Variants in PDE6A observed in about 807,000 individuals in gnomAD.
PDE6A encodes phosphodiesterase 6A, also known as rod cGMP-specific 3',5'-cyclic phosphodiesterase subunit alpha.
Under a neutral mutation model 106.3 loss-of-function variants are expected in PDE6A, and 84 were observed. The ratio of observed to expected loss-of-function variants is 0.79; its 90% CI spans 0.66 to 0.95. PDE6A has a LOEUF of 0.95. Ranked by LOEUF, PDE6A falls within the 40% of genes least tolerant of loss-of-function variation. The pLI is 0.00. For missense variants in PDE6A, 1,052 were observed against 1,084.9 expected (o/e 0.97, Z 0.43); for synonymous variants, 394 against 386.6 (o/e 1.02, Z -0.23).
chr5:149,940,441 A>G (rs1440073197), intron 1 of PDE6A, among the ~76,000 whole-genome samples: 3 of 151,982 alleles, frequency 2.0e-5, no homozygotes, highest in African/African-American at 7.3e-5. Flanking sequence ...TATGCTTTCC[A>G]CAGAGGCACA....
chr5:149,899,705 G>A (rs1034719395), intron 8 of PDE6A, among the ~76,000 whole-genome samples, 181 bp from the exon 9 acceptor site: 6 of 152,112 alleles, frequency 3.9e-5, no homozygotes, highest in African/African-American at 9.7e-5. Context: ...CCATCTGGTC[G>A]GAATTCCTTA....
chr5:149,879,254 T>G (rs951664967), intron 17 of PDE6A, among the ~76,000 whole-genome samples: 4 of 152,026 alleles, frequency 2.6e-5, no homozygotes, highest in Non-Finnish European at 5.9e-5. Context: ...GTATTTTTAG[T>G]AGAGATGGCG....
chr5:149,866,412 C>T (rs182136673), intron 19 of PDE6A, 159 bp from the exon 20 acceptor site: 61 of 615,406 alleles, frequency 9.9e-5, no homozygotes, highest in African/African-American at 9.2e-4. Context: ...TGTTAAAGAA[C>T]ACCATGAGGG....
intron 15 of PDE6A, 92 bp downstream of exon 15, chr5:149,884,688 G>A: frequency 6.9e-7 from 1 of 1,456,178 alleles, no homozygotes; most frequent in Non-Finnish European, 9.7e-7. Flanking sequence ...AGGCCAATGG[G>A]AAGAATGCTC....
chr5:149,908,699 T>G (rs1317603510), intron 6 of PDE6A, among the ~76,000 whole-genome samples: 1 of 150,296 alleles, frequency 6.7e-6, no homozygotes, highest in Non-Finnish European at 1.5e-5. Flanking sequence ...CCTTAAATAC[T>G]ACTTTTACTC....
intron 6 of PDE6A, among the ~76,000 whole-genome samples, chr5:149,913,678 C>T (rs1753459811): frequency 6.6e-6 from 1 of 152,068 alleles, no homozygotes; most frequent in Non-Finnish European, 1.5e-5. Flanking sequence ...GTGTGGCTCT[C>T]CCACGAACCG....
At chr5:149,902,072 T>A (rs1373135529) in intron 8 of PDE6A, among the ~76,000 whole-genome samples, 1 of 152,256 alleles carries the variant, frequency 6.6e-6, no homozygotes. Flanking sequence ...TAATAAAAGA[T>A]GACATAAGGA....
At chr5:149,890,282 T>C (rs191109732) in intron 13 of PDE6A, among the ~76,000 whole-genome samples, 199 of 152,236 alleles carry the variant, frequency 1.3e-3, no homozygotes, top group African/African-American at 4.6e-3. Flanking sequence ...AAATTAAGTA[T>C]TTTTCTTGAC....
At chr5:149,917,799 T>A (rs1753597627) in intron 5 of PDE6A, among the ~76,000 whole-genome samples, 1 of 152,190 alleles carries the variant, frequency 6.6e-6, no homozygotes, top group African/African-American at 2.4e-5. Flanking sequence ...AAAATTGGAA[T>A]GGTGGTATGT....
chr5:149,922,302 T>TATTATA (rs1554091366), intron 4 of PDE6A, among the ~76,000 whole-genome samples: 1 of 150,768 alleles, frequency 6.6e-6, no homozygotes, highest in African/African-American at 2.4e-5. Flanking sequence ...AACAAATTAT[T>TATTATA]ATTATTATTA....
At chr5:149,890,931 C>T (rs868395735) in intron 13 of PDE6A, among the ~76,000 whole-genome samples, 1 of 152,188 alleles carries the variant, frequency 6.6e-6, no homozygotes, top group South Asian at 2.1e-4. Context: ...TGATCCAAGT[C>T]AAGTTACCTA....
chr5:149,941,496 G>A (rs887602516), intron 1 of PDE6A, among the ~76,000 whole-genome samples: 1 of 152,206 alleles, frequency 6.6e-6, no homozygotes, highest in Admixed American at 6.5e-5. Context: ...GGGAACAGTG[G>A]ATCCTGGAAG....
At chr5:149,900,423 A>C in intron 8 of PDE6A, among the ~76,000 whole-genome samples, 2 of 117,124 alleles carry the variant, frequency 1.7e-5, no homozygotes, top group East Asian at 2.9e-4. Context: ...AACATTTAGA[A>C]TGTGCAAGAA....
intron 13 of PDE6A, among the ~76,000 whole-genome samples, chr5:149,891,523 C>T (rs1752547239): frequency 6.6e-6 from 1 of 151,980 alleles, no homozygotes; most frequent in African/African-American, 2.4e-5. Context: ...TGTTTGGGGC[C>T]AGGCGTGGTA....
chr5:149,883,496 T>C lies in PDE6A; in HGVS notation c.2068A>G (p.Thr690Ala), dbSNP rs1761008380. Residue 690 changes from threonine (T) to alanine (A), a missense_variant, in exon 17 of 22, where the codon ACA becomes GCA. Coordinates refer to ENST00000255266, the MANE Select transcript of PDE6A (RefSeq NM_000440.3). ...MFQKIVDQSK[T>A]YESEQEWTQY... Reference sequence around the variant, plus strand: ...GTCCACTCCTGTTCACTCTCATATGTCTTAGACTGATCCACGATCTTTTGG... The same window carrying C: ...GTCCACTCCTGTTCACTCTCATATGCCTTAGACTGATCCACGATCTTTTGG... The C allele has an allele frequency of 6.2e-7, 1 of 1,613,860 alleles. No individual in the cohort carries two copies. The highest frequency in any genetic ancestry group is 8.5e-7 in the Non-Finnish European group (1 of 1,179,732).
At chr5:149,921,342 G>T (rs1753712128) in intron 5 of PDE6A, among the ~76,000 whole-genome samples, 1 of 151,688 alleles carries the variant, frequency 6.6e-6, no homozygotes, top group South Asian at 2.1e-4. Flanking sequence ...AAGGCAGGAA[G>T]GCAGGAAGGA....
Position 149,884,801 on chromosome 5 carries a change from G to C in PDE6A, c.1905C>G (p.Gly635=). The C allele has an allele frequency of 6.2e-7, 1 of 1,614,082 alleles. No homozygotes were observed. The highest frequency in any genetic ancestry group is 8.5e-7 in the Non-Finnish European group (1 of 1,179,942). Residue 635 remains glycine, a synonymous_variant, in exon 15 of 22, where the codon GGC becomes GGG. Transcript: ENST00000255266. ...CTACCTCGTCTCTGAGCAGTGTTTT[G>C]CCAAACTCCAAGTGGTGTCTTTCCA... ...SILERHHLEF[G]KTLLRDESLN... is the part of the protein sequence containing the mutation.
chr5:149,920,996 A>AAGAAAGAAAGAG (rs1554091222), intron 5 of PDE6A, among the ~76,000 whole-genome samples: 1,327 of 91,538 alleles, frequency 0.014, 31 homozygotes, highest in African/African-American at 0.036. Flanking sequence ...GAAAGAAAGA[A>AAGAAAGAAAGAG]AAAGAAAGAA....
At chr5:149,893,540 C>G (rs1156487778) in intron 13 of PDE6A, among the ~76,000 whole-genome samples, 1 of 152,164 alleles carries the variant, frequency 6.6e-6, no homozygotes, top group South Asian at 2.1e-4. Flanking sequence ...ATTGTATAGT[C>G]AAGACCTGGA....
Sources: gnomAD v4.1 joint callset for allele counts (sites outside exome capture counted in the v4.1 genomes callset) on GRCh38, gnomAD v4.1.1 for gene constraint, MANE v1.5 for transcripts, NCBI Gene and HGNC (gene_info 2026-07-23, HGNC 2026-07-21) for gene names.